Variants in MAML2 observed in about 807,000 individuals in gnomAD.
MAML2 encodes mastermind like transcriptional coactivator 2.
A neutral mutation model predicts 96.1 loss-of-function variants in MAML2; 22 were observed. The ratio of observed to expected loss-of-function variants is 0.23; its 90% CI spans 0.16 to 0.33. The LOEUF is 0.33. Ranked by LOEUF, MAML2 falls within the 10% of genes least tolerant of loss-of-function variation. MAML2 has a pLI of 1.00. For synonymous variants in MAML2, 561 were observed against 521.3 expected, an observed-to-expected ratio of 1.08 and a Z score of -1.04; for missense variants, 1,367 against 1,392.4, an observed-to-expected ratio of 0.98 and a Z score of 0.29.
chr11:96,223,635 C>A (rs1348469730), intron 1 of MAML2, among the ~76,000 whole-genome samples: 1 of 151,714 alleles, frequency 6.6e-6, no homozygotes, highest in Non-Finnish European at 1.5e-5. Context: ...GTGCATGTCA[C>A]AGAGATTTGT....
chr11:96,223,918 G>A (rs1461514552), intron 1 of MAML2, among the ~76,000 whole-genome samples: 2 of 152,136 alleles, frequency 1.3e-5, no homozygotes. Flanking sequence ...TGAATTATTT[G>A]ATATTATAAT....
chr11:96,047,599 A>G lies in MAML2; in HGVS notation c.2139+44293T>C, dbSNP rs181416559. On this transcript the variant is annotated intron_variant, in intron 2 of 4. Transcript: ENST00000524717. ...TCTGATAATCTCCATCAAGTATTAG[A>G]AAAAAAATGTAGTTAAAACTAGGCT... is the stretch of plus-strand genomic sequence containing the variant. Among the ~76,000 whole-genome samples the G allele has an allele frequency of 4.6e-5, 7 of 152,072 alleles. No individual in the cohort carries two copies. The East Asian group carries it at 7.7e-4, about 17-fold the overall frequency.
intron 1 of MAML2, among the ~76,000 whole-genome samples, chr11:96,227,435 C>T (rs1351636368): frequency 6.6e-6 from 1 of 152,126 alleles, no homozygotes; most frequent in African/African-American, 2.4e-5. Context: ...GGGAGTGGTT[C>T]TCTCATCCTC....
At chr11:96,027,025 A>T (rs575094149) in intron 2 of MAML2, among the ~76,000 whole-genome samples, 2 of 152,294 alleles carry the variant, frequency 1.3e-5, no homozygotes, top group African/African-American at 4.8e-5. Context: ...ACAACATTGT[A>T]GGAAGCTTGT....
intron 2 of MAML2, among the ~76,000 whole-genome samples, chr11:96,013,754 C>T (rs1441059970): frequency 4.6e-5 from 7 of 152,208 alleles, no homozygotes; most frequent in African/African-American, 7.2e-5. Context: ...CCAGGGCCAC[C>T]GAGCAGCCCA....
chr11:96,212,241 G>A (rs554043109), intron 1 of MAML2, among the ~76,000 whole-genome samples: 1 of 151,562 alleles, frequency 6.6e-6, no homozygotes, highest in East Asian at 2.0e-4. Flanking sequence ...ATGAGATCTG[G>A]CAGTTAAGTG....
chr11:96,107,464 A>G (rs922218270), intron 1 of MAML2, among the ~76,000 whole-genome samples: 2 of 152,254 alleles, frequency 1.3e-5, no homozygotes, highest in African/African-American at 4.8e-5. Context: ...AATAAATGCT[A>G]GTGTGACACT....
At chr11:96,185,733 G>A (rs1459809726) in intron 1 of MAML2, among the ~76,000 whole-genome samples, 1 of 152,198 alleles carries the variant, frequency 6.6e-6, no homozygotes, top group African/African-American at 2.4e-5. Context: ...ATTTGAATGT[G>A]CATATGGAGT....
intron 1 of MAML2, among the ~76,000 whole-genome samples, chr11:96,313,710 CAG>C (rs2136005980): frequency 6.6e-6 from 1 of 152,268 alleles, no homozygotes; most frequent in African/African-American, 2.4e-5. Flanking sequence ...TAAATATTTA[CAG>C]AGAACCATAT....
chr11:96,289,043 C>A (rs947979615), intron 1 of MAML2, among the ~76,000 whole-genome samples: 2 of 152,110 alleles, frequency 1.3e-5, no homozygotes, highest in African/African-American at 2.4e-5. Context: ...ATGTGTAAAG[C>A]CTGTTTCATT....
At chr11:96,243,324 G>A (rs1261220525) in intron 1 of MAML2, among the ~76,000 whole-genome samples, 2 of 152,178 alleles carry the variant, frequency 1.3e-5, no homozygotes, top group Admixed American at 6.6e-5. Context: ...AAGGAGGCGG[G>A]GGAGGCGGGG....
intron 1 of MAML2, among the ~76,000 whole-genome samples, chr11:96,258,092 G>C (rs1213736984): frequency 6.6e-6 from 1 of 152,062 alleles, no homozygotes; most frequent in Non-Finnish European, 1.5e-5. Flanking sequence ...ACATCTTTTG[G>C]TCCTATTCAT....
chr11:96,070,326 T>C (rs1013087587), intron 2 of MAML2, among the ~76,000 whole-genome samples: 1 of 151,950 alleles, frequency 6.6e-6, no homozygotes, highest in Non-Finnish European at 1.5e-5. Flanking sequence ...AAATAAGGCA[T>C]AACAAAAACA....
At chr11:96,203,070 G>A (rs1038273024) in intron 1 of MAML2, among the ~76,000 whole-genome samples, 4 of 152,128 alleles carry the variant, frequency 2.6e-5, no homozygotes, top group African/African-American at 9.7e-5. Context: ...TGACAGCACA[G>A]CAATTGCAAA....
intron 1 of MAML2, among the ~76,000 whole-genome samples, chr11:96,240,771 G>T (rs1260567733): frequency 6.6e-6 from 1 of 151,914 alleles, no homozygotes; most frequent in Non-Finnish European, 1.5e-5. Flanking sequence ...CCAGCAGAAA[G>T]GTACTATTAC....
chr11:96,169,615 C>A (rs373208876), intron 1 of MAML2, among the ~76,000 whole-genome samples: 3 of 151,956 alleles, frequency 2.0e-5, no homozygotes, highest in African/African-American at 4.8e-5. Context: ...TTCTGTTATG[C>A]CAGCAGAATG....
At chr11:96,305,406 C>G (rs1455769870) in intron 1 of MAML2, among the ~76,000 whole-genome samples, 1 of 152,098 alleles carries the variant, frequency 6.6e-6, no homozygotes, top group African/African-American at 2.4e-5. Context: ...ACATACCACT[C>G]TGGTGGAGGA....
chr11:95,979,357 G>A lies in MAML2; in HGVS notation c.3062C>T (p.Thr1021Ile). The change falls in exon 5 of 5, where the codon ACA becomes ATA. Residue 1021 changes from threonine to isoleucine, a missense_variant. Thr to Ile is a moderately conservative substitution (Grantham distance 89). Coordinates refer to ENST00000524717, the MANE Select transcript of MAML2 (RefSeq NM_032427.4). ...QRAVAPPNQLTPAVQMRPMNQ... is the reference protein window; with the variant it reads ...QRAVAPPNQLIPAVQMRPMNQ... Reference sequence around the variant, plus strand: ...CATGGGTCTCATTTGCACTGCTGGTGTTAACTGGTTAGGAGGAGCCACTGC... The same window carrying A: ...CATGGGTCTCATTTGCACTGCTGGTATTAACTGGTTAGGAGGAGCCACTGC... 6.2e-7 allele frequency: 1 copy of A among 1,613,796 alleles called. No homozygotes were observed. Among genetic ancestry groups the A allele is most frequent in the East Asian group, 2.2e-5 (1 of 44,878 alleles).
chr11:96,144,427 GA>G (rs1860784776), intron 1 of MAML2, among the ~76,000 whole-genome samples: 1 of 152,168 alleles, frequency 6.6e-6, no homozygotes, highest in Admixed American at 6.5e-5. Flanking sequence ...AGGTTGGGAC[GA>G]ATAGAGTAAG....
Sources: allele counts gnomAD v4.1 joint callset (sites outside exome capture counted in the v4.1 genomes callset), GRCh38; gene constraint gnomAD v4.1.1; transcripts MANE v1.5; gene names NCBI Gene and HGNC (gene_info 2026-07-23, HGNC 2026-07-21).